The following APOC1 variants were observed in gnomAD, a reference collection of about 807,000 sequenced individuals.
The protein encoded by APOC1 is apolipoprotein C-I.
A neutral mutation model predicts 6.7 loss-of-function variants in APOC1; 4 were observed. That is an observed-to-expected ratio of 0.60 (90% CI 0.29 to 1.37). APOC1 has a LOEUF of 1.37. APOC1 is among the 40% of genes most tolerant of loss of function. APOC1 has a pLI of 0.09. For missense variants in APOC1, 122 were observed against 99.4 expected (o/e 1.23, Z -0.97); for synonymous variants, 33 against 40.6 (o/e 0.81, Z 0.72).
chr19:44,918,746 A>C (rs1430330926), intron 3 of APOC1: 2 of 154,076 alleles, frequency 1.3e-5, no homozygotes, highest in African/African-American at 5.2e-5. Flanking sequence ...TGGAACCTCC[A>C]CCTCCCGGGT....
intron 3 of APOC1, among the ~76,000 whole-genome samples, chr19:44,918,613 G>C (rs1970049495): frequency 6.6e-6 from 1 of 151,912 alleles, no homozygotes; most frequent in South Asian, 2.1e-4. Flanking sequence ...TCCTGACCTG[G>C]TGATCCACCC....
chr19:44,917,655 G>A (rs1260020212), intron 3 of APOC1, among the ~76,000 whole-genome samples: 1 of 151,428 alleles, frequency 6.6e-6, no homozygotes, highest in African/African-American at 2.4e-5. Context: ...GAGGGAGGGA[G>A]GGAAAATAGA....
chr19:44,915,898 G>A (rs1008050948), intron 2 of APOC1, among the ~76,000 whole-genome samples: 3 of 151,828 alleles, frequency 2.0e-5, no homozygotes, highest in Non-Finnish European at 2.9e-5. Flanking sequence ...GAACCCGGGA[G>A]GCGGAGGTTG....
intron 3 of APOC1, chr19:44,916,556 G>A: frequency 1.7e-6 from 1 of 590,648 alleles, no homozygotes; most frequent in Non-Finnish European, 2.8e-6. Context: ...GGTGGCTCAT[G>A]CTTGCAATCC....
upstream of APOC1, chr19:44,914,571 G>C (rs1969969566): frequency 2.6e-6 from 1 of 381,744 alleles, no homozygotes; most frequent in South Asian, 2.9e-5. Context: ...CACGGGACAG[G>C]GGCAGAGGAG....
chr19:44,916,136 C>CAAAAA, intron 2 of APOC1, 54 bp from the exon 3 acceptor site: 4 of 370,778 alleles, frequency 1.1e-5, no homozygotes. Context: ...GACTCCATCT[C>CAAAAA]CAAAAAAAAA....
At chr19:44,916,142 A>AAAAAAAAT in intron 2 of APOC1, 48 bp from the exon 3 acceptor site, 1 of 1,456,924 alleles carries the variant, frequency 6.9e-7, no homozygotes, top group Non-Finnish European at 9.1e-7. Context: ...ATCTCCAAAA[A>AAAAAAAAT]AAAAAAAAAA....
chr19:44,916,412 A>G (rs1429258936), intron 3 of APOC1, 87 bp downstream of exon 3: 1 of 1,561,360 alleles, frequency 6.4e-7, no homozygotes, highest in Non-Finnish European at 8.7e-7. Flanking sequence ...CAGATTGAAA[A>G]AAAAACAAGT....
intron 3 of APOC1, among the ~76,000 whole-genome samples, chr19:44,917,504 G>A (rs1482199097): frequency 6.6e-6 from 1 of 152,130 alleles, no homozygotes; most frequent in Non-Finnish European, 1.5e-5. Context: ...CTTGAGCCCA[G>A]GAGATCTAGG....
chr19:44,916,158 A>T (rs1568622192), intron 2 of APOC1, 32 bp from the exon 3 acceptor site: 2 of 1,541,110 alleles, frequency 1.3e-6, no homozygotes, highest in Non-Finnish European at 1.7e-6. Context: ...AAAAAAAAAC[A>T]AATTTTGAAC....
Position 44,919,323 on chromosome 19 carries a change from C to T in APOC1, c.*93C>T. 1.8e-6 allele frequency: 2 copies of T among 1,136,622 alleles called. No individual in the cohort carries two copies. Among genetic ancestry groups the T allele is most frequent in the South Asian group, 2.6e-5 (2 of 77,646 alleles). 70.4% of individuals were successfully genotyped at this position (1,136,622 alleles called of 1,614,324 possible). A position where few individuals can be genotyped will look rare whatever the true frequency, so the allele number is the denominator to read the frequency against. On this transcript the variant is annotated 3_prime_UTR_variant, in exon 4 of 4. Transcript: ENST00000592535. ...ACTCCCTCCATGTGGCCCCAGGTGC[C>T]ACCAATAAAAATCCTACAGAAAATT... is the stretch of plus-strand genomic sequence containing the variant.
At chr19:44,915,229 G>T in intron 2 of APOC1, 2 of 513,844 alleles carry the variant, frequency 3.9e-6, no homozygotes, top group Non-Finnish European at 3.5e-6. Context: ...TAAGCTGGGT[G>T]GGGGGCTCTG....
rs1470707437 is a variant in APOC1, at chr19:44,916,299, A to G, written c.168A>G (p.Lys56=). The change falls in exon 3 of 4, where the codon AAA becomes AAG. Residue 56 remains lysine (K), a synonymous_variant. Coordinates refer to ENST00000592535, the MANE Select transcript of APOC1 (RefSeq NM_001645.5). ...DKARELISRI[K]QSELSAKMRE... is the part of the protein sequence containing the mutation. ...CTCGGGAACTCATCAGCCGCATCAA[A>G]CAGAGTGAACTTTCTGCCAAGATGC... 1 of 1,613,876 alleles carries G rather than the reference A, an allele frequency of 6.2e-7. No individual in the cohort carries two copies. The highest frequency in any genetic ancestry group is 2.2e-5 in the East Asian group (1 of 44,890).
chr19:44,918,192 T>C (rs1442349371), intron 3 of APOC1, among the ~76,000 whole-genome samples: 32 of 142,834 alleles, frequency 2.2e-4, no homozygotes, highest in Middle Eastern at 9.1e-3. Flanking sequence ...GGCTTGAACC[T>C]GGGAGGCAGA....
At chr19:44,917,671 G>T (rs925631188) in intron 3 of APOC1, among the ~76,000 whole-genome samples, 3 of 151,662 alleles carry the variant, frequency 2.0e-5, no homozygotes, top group Non-Finnish European at 4.4e-5. Flanking sequence ...ATAGAGCCAG[G>T]CATAAACTTA....
rs556582009 is a variant in APOC1, at chr19:44,916,503, C to G, written c.194+178C>G. 1.2e-5 allele frequency: 9 copies of G among 775,354 alleles called. No individual in the cohort carries two copies. The Admixed American group carries it at 3.0e-4, about 26-fold the overall frequency. The allele number at this position is 775,354 out of a possible 1,614,324, so 48.0% of individuals were successfully genotyped here. Reference sequence around the variant, plus strand: ...GACTTCAAGGACAGTTTCCCTGACTCCCATCCAGGCCATATTTTAAAAGAT... The same window carrying G: ...GACTTCAAGGACAGTTTCCCTGACTGCCATCCAGGCCATATTTTAAAAGAT... On this transcript the variant is annotated intron_variant, in intron 3 of 3. Coordinates refer to ENST00000592535, the MANE Select transcript of APOC1 (RefSeq NM_001645.5).
At chr19:44,915,891 C>G (rs1295841913) in intron 2 of APOC1, among the ~76,000 whole-genome samples, 3 of 151,930 alleles carry the variant, frequency 2.0e-5, no homozygotes, top group Non-Finnish European at 4.4e-5. Flanking sequence ...ATCACTTGAA[C>G]CCGGGAGGCG....
intron 3 of APOC1, chr19:44,918,886 T>C (rs1485811028): frequency 4.9e-6 from 2 of 407,522 alleles, no homozygotes; most frequent in Non-Finnish European, 8.8e-6. Context: ...CTCGAACTCC[T>C]GACCTCAAGT....
At chr19:44,918,623 C>T (rs1228294616) in intron 3 of APOC1, among the ~76,000 whole-genome samples, 3 of 151,922 alleles carry the variant, frequency 2.0e-5, no homozygotes, top group South Asian at 2.1e-4. Context: ...GTGATCCACC[C>T]GCCTCGGCCT....
Sources: allele counts gnomAD v4.1 joint callset (sites outside exome capture counted in the v4.1 genomes callset), GRCh38; gene constraint gnomAD v4.1.1; transcripts MANE v1.5; gene names NCBI Gene and HGNC (gene_info 2026-07-23, HGNC 2026-07-21).